Variants in CPS1 observed in about 807,000 individuals in gnomAD.
CPS1 encodes carbamoyl-phosphate synthase 1, also known as carbamoyl-phosphate synthase [ammonia], mitochondrial.
In CPS1, 109 loss-of-function variants were observed where a neutral mutation model predicts 174.6. The ratio of observed to expected loss-of-function variants is 0.62; its 90% CI spans 0.53 to 0.73. CPS1 has a LOEUF of 0.73. Ranked by LOEUF, CPS1 falls within the 30% of genes least tolerant of loss-of-function variation. The pLI is 0.00. For missense variants in CPS1, 1,689 were observed against 1,821.9 expected (o/e 0.93, Z 1.33); for synonymous variants, 637 against 632.0 (o/e 1.01, Z -0.12).
chr2:210,594,473 G>C lies in CPS1; in HGVS notation c.1165-35G>C, dbSNP rs373538547. 14 of 1,447,752 alleles carry C rather than the reference G, an allele frequency of 9.7e-6. 1 individual carries two copies. In the African/African-American group the frequency reaches 1.1e-4, roughly 12 times the overall value. 89.7% of individuals were successfully genotyped at this position (1,447,752 alleles called of 1,614,324 possible). On this transcript the variant is annotated intron_variant, in intron 11 of 37. Coordinates refer to ENST00000233072, the MANE Select transcript of CPS1 (RefSeq NM_001875.5). ...TTTATCTGGTGAACTTAGGAATTTT[G>C]AAGCTTCTAACTAGTTGGTTGTATT...
chr2:210,515,759 A>G (rs1028312177), intron 1 of CPS1, among the ~76,000 whole-genome samples: 1 of 151,148 alleles, frequency 6.6e-6, no homozygotes, highest in Non-Finnish European at 1.5e-5. Flanking sequence ...TAGTTTATTT[A>G]CCTTTTTCTA....
chr2:210,554,175 G>GTA (rs199798273), upstream of CPS1, among the ~76,000 whole-genome samples: 66 of 101,742 alleles, frequency 6.5e-4, 2 homozygotes, highest in African/African-American at 2.2e-3. Flanking sequence ...ACATATGTAT[G>GTA]TATATATACA....
intron 34 of CPS1, 24 bp downstream of exon 34, chr2:210,668,308 T>C (rs777329292): frequency 6.7e-7 from 1 of 1,499,904 alleles, no homozygotes; most frequent in African/African-American, 1.4e-5. Context: ...GGCTGTGTGC[T>C]TGCCCATGGT....
chr2:210,620,597 C>T (rs1699479800), intron 21 of CPS1, among the ~76,000 whole-genome samples: 1 of 151,978 alleles, frequency 6.6e-6, no homozygotes, highest in African/African-American at 2.4e-5. Flanking sequence ...AGAAATCTTA[C>T]AATCATGGCG....
intron 1 of CPS1, among the ~76,000 whole-genome samples, chr2:210,516,136 G>A (rs1430777635): frequency 6.6e-6 from 1 of 151,758 alleles, no homozygotes; most frequent in Non-Finnish European, 1.5e-5. Context: ...TGACCTTTGA[G>A]TATGTTCTGT....
Position 210,605,229 on chromosome 2 carries a change from C to G in CPS1, c.1964C>G (p.Ala655Gly). The G allele has an allele frequency of 6.2e-7, 1 of 1,611,978 alleles. No homozygotes were observed. The highest frequency in any genetic ancestry group is 1.3e-5 in the African/African-American group (1 of 74,848). The change falls in exon 17 of 38, where the codon GCC becomes GGC. Residue 655 changes from alanine (A) to glycine (G), a missense_variant. By Grantham distance (60) the Ala-to-Gly change is moderately conservative. Transcript: ENST00000233072. ...VTVCNMENVD[A>G]MGVHTGDSVV... ...GTCTGTAACATGGAAAATGTTGATG[C>G]CATGGGTGTTCACACAGGTAGGCAA...
chr2:210,658,826 G>A, intron 31 of CPS1, 138 bp downstream of exon 31: 1 of 707,246 alleles, frequency 1.4e-6, no homozygotes, highest in Non-Finnish European at 2.6e-6. Context: ...TCTGAGTGTG[G>A]AATGATGCAT....
chr2:210,552,768 A>C (rs1470022373), upstream of CPS1, among the ~76,000 whole-genome samples: 2 of 152,062 alleles, frequency 1.3e-5, no homozygotes, highest in Non-Finnish European at 2.9e-5. Flanking sequence ...GTTTCCTTTA[A>C]AGACATTTTC....
chr2:210,506,266 G>A (rs1695281168), intron 1 of CPS1, among the ~76,000 whole-genome samples: 1 of 152,114 alleles, frequency 6.6e-6, no homozygotes, highest in South Asian at 2.1e-4. Flanking sequence ...TGATACCCAG[G>A]CAAACAGGGT....
At chr2:210,595,971 A>G (rs1012843946) in intron 13 of CPS1, among the ~76,000 whole-genome samples, 1 of 151,896 alleles carries the variant, frequency 6.6e-6, no homozygotes, top group African/African-American at 2.4e-5. Context: ...GCTCTACAGG[A>G]TGCTTCGGGC....
At chr2:210,564,174 T>A (rs537677490) in intron 1 of CPS1, among the ~76,000 whole-genome samples, 3 of 152,286 alleles carry the variant, frequency 2.0e-5, no homozygotes, top group Admixed American at 2.0e-4. Flanking sequence ...ATTAGAACAT[T>A]GAAATATTGT....
chr2:210,517,155 C>G (rs1695704412), intron 1 of CPS1, among the ~76,000 whole-genome samples: 1 of 151,824 alleles, frequency 6.6e-6, no homozygotes, highest in Non-Finnish European at 1.5e-5. Flanking sequence ...ATAACACTAA[C>G]CTAAGGAAAG....
chr2:210,477,763 C>T (rs1160655479), exon 1 of CPS1: 1 of 1,613,414 alleles, frequency 6.2e-7, no homozygotes. Context: ...AGCCGAGGCC[C>T]ATGGTGAGTC....
intron 6 of CPS1, 41 bp from the exon 7 acceptor site, chr2:210,588,017 G>A: frequency 6.3e-7 from 1 of 1,584,834 alleles, no homozygotes; most frequent in East Asian, 2.2e-5. Flanking sequence ...GTTGCCCATA[G>A]CTGGGACTTC....
chr2:210,500,059 G>A (rs1453733985), intron 1 of CPS1, among the ~76,000 whole-genome samples: 2 of 152,080 alleles, frequency 1.3e-5, no homozygotes, highest in East Asian at 1.9e-4. Flanking sequence ...GCAGGAGAGA[G>A]AATGAGTGCC....
intron 1 of CPS1, among the ~76,000 whole-genome samples, chr2:210,503,732 G>A (rs189228485): frequency 6.6e-5 from 10 of 152,266 alleles, no homozygotes; most frequent in Non-Finnish European, 1.2e-4. Context: ...TTATTCAGGA[G>A]ACTTCCTCTG....
intron 1 of CPS1, among the ~76,000 whole-genome samples, chr2:210,548,466 T>C (rs976599750): frequency 1.3e-5 from 2 of 152,062 alleles, no homozygotes; most frequent in Non-Finnish European, 1.5e-5. Flanking sequence ...GAGAATGATC[T>C]TGATAGGGGC....
chr2:210,541,279 A>G (rs143416174), intron 1 of CPS1, among the ~76,000 whole-genome samples: 59 of 152,264 alleles, frequency 3.9e-4, no homozygotes, highest in Middle Eastern at 3.4e-3. Flanking sequence ...CTCATTTTGA[A>G]TTTCTTGCCT....
chr2:210,523,445 A>G (rs1365022592), intron 1 of CPS1, among the ~76,000 whole-genome samples: 1 of 151,968 alleles, frequency 6.6e-6, no homozygotes, highest in Non-Finnish European at 1.5e-5. Context: ...CATTACATAC[A>G]TAATGTACAA....
Sources: gnomAD v4.1 joint callset for allele counts (sites outside exome capture counted in the v4.1 genomes callset) on GRCh38, gnomAD v4.1.1 for gene constraint, MANE v1.5 for transcripts, NCBI Gene and HGNC (gene_info 2026-07-23, HGNC 2026-07-21) for gene names.